Variants in VWA8 observed in about 807,000 individuals in gnomAD.
The protein encoded by VWA8 is von Willebrand factor A domain-containing protein 8.
VWA8 carries 221 observed loss-of-function variants against 241.5 expected under a neutral mutation model. The ratio of observed to expected loss-of-function variants is 0.91; its 90% CI spans 0.82 to 1.02. The LOEUF (loss-of-function observed/expected upper bound fraction) is 1.02, where lower values mean the gene tolerates loss of function less well. VWA8 is among the 50% of genes least tolerant of loss of function. The pLI, the probability that VWA8 is intolerant of heterozygous loss-of-function variation, is 0.00. For synonymous variants in VWA8, 852 were observed against 827.1 expected, an observed-to-expected ratio of 1.03 and a Z score of -0.52; for missense variants, 2,322 against 2,328.7, an observed-to-expected ratio of 1.00 and a Z score of 0.06.
intron 41 of VWA8, 97 bp downstream of exon 41, chr13:41,590,543 C>A: frequency 1.0e-5 from 12 of 1,161,544 alleles, no homozygotes; most frequent in Middle Eastern, 2.2e-4. Flanking sequence ...TTACCATATT[C>A]AGGATTTGTG....
intron 14 of VWA8, among the ~76,000 whole-genome samples, chr13:41,823,202 T>C (rs1467180234): frequency 6.6e-6 from 1 of 152,162 alleles, no homozygotes; most frequent in African/African-American, 2.4e-5. Context: ...GCTTGGATCC[T>C]GTCTTCAAAT....
chr13:41,611,430 C>A (rs185612101), intron 39 of VWA8, 146 bp downstream of exon 39: 56 of 1,075,548 alleles, frequency 5.2e-5, no homozygotes, highest in Non-Finnish European at 5.1e-5. Flanking sequence ...CCGTTAGGGA[C>A]GGGGATGGCT....
At chr13:41,839,683 G>A (rs1165598707) in intron 12 of VWA8, among the ~76,000 whole-genome samples, 1 of 152,090 alleles carries the variant, frequency 6.6e-6, no homozygotes, top group African/African-American at 2.4e-5. Flanking sequence ...TGTCAGGTTT[G>A]TCAAAGATCA....
At chr13:41,874,177 A>T (rs1337370989) in intron 9 of VWA8, among the ~76,000 whole-genome samples, 1 of 151,408 alleles carries the variant, frequency 6.6e-6, no homozygotes, top group African/African-American at 2.4e-5. Context: ...TATTGATGGG[A>T]CGTATCTCAA....
At chr13:41,853,588 T>C (rs1872611945) in intron 12 of VWA8, among the ~76,000 whole-genome samples, 1 of 152,188 alleles carries the variant, frequency 6.6e-6, no homozygotes, top group Admixed American at 6.5e-5. Context: ...TTTTCATTTC[T>C]TCATGATTCA....
Position 41,866,025 on chromosome 13 carries a change from C to T in VWA8, c.1224G>A (p.Gly408=). Residue 408 remains glycine (G), a synonymous_variant, in exon 11 of 45, where the codon GGG becomes GGA. Coordinates refer to ENST00000379310, the MANE Select transcript of VWA8 (RefSeq NM_015058.2). ...CACAAGGTTGACTTAATAGCCTGGT[C>T]CCGGCTGGCACCTATAATTAAAGAG... ...DKEVTIKVPA[G]TRLLSQPCAS... 6.2e-7 allele frequency: 1 copy of T among 1,613,976 alleles called. No homozygotes were observed. The highest frequency in any genetic ancestry group is 8.5e-7 in the Non-Finnish European group (1 of 1,179,908).
chr13:41,642,744 C>G (rs532562885), intron 37 of VWA8, among the ~76,000 whole-genome samples: 28 of 151,350 alleles, frequency 1.9e-4, no homozygotes, highest in African/African-American at 6.8e-4. Flanking sequence ...GCCTGACCAA[C>G]AAGGTGAAAC....
At chr13:41,821,662 G>A (rs145295230) in intron 14 of VWA8, among the ~76,000 whole-genome samples, 352 of 151,988 alleles carry the variant, frequency 2.3e-3, no homozygotes, top group South Asian at 5.6e-3. Context: ...CTACAGATAC[G>A]GCTTAATTTC....
chr13:41,729,701 T>C (rs753455845), intron 22 of VWA8, 24 bp from the exon 23 acceptor site: 3 of 1,598,736 alleles, frequency 1.9e-6, no homozygotes, highest in African/African-American at 2.7e-5. Flanking sequence ...AAATTTATCA[T>C]AAACAATTAA....
At chr13:41,738,613 C>T (rs2045543453) in intron 21 of VWA8, among the ~76,000 whole-genome samples, 1 of 152,090 alleles carries the variant, frequency 6.6e-6, no homozygotes, top group Non-Finnish European at 1.5e-5. Flanking sequence ...AACAAATCTA[C>T]TAAAATAGTA....
intron 26 of VWA8, among the ~76,000 whole-genome samples, chr13:41,713,911 G>C (rs1188217080): frequency 6.6e-6 from 1 of 152,044 alleles, no homozygotes; most frequent in Non-Finnish European, 1.5e-5. Flanking sequence ...AAATTAGCTT[G>C]TGAATGAAGT....
chr13:41,763,009 A>T (rs916033868), intron 20 of VWA8, among the ~76,000 whole-genome samples: 1 of 152,018 alleles, frequency 6.6e-6, no homozygotes, highest in African/African-American at 2.4e-5. Context: ...GACTCACACC[A>T]GTAATCCCAG....
At chr13:41,781,263 C>A (rs1868873504) in intron 19 of VWA8, among the ~76,000 whole-genome samples, 1 of 152,258 alleles carries the variant, frequency 6.6e-6, no homozygotes, top group Admixed American at 6.5e-5. Context: ...CTTCCACTTG[C>A]AACCTCAGCT....
At position 41,699,230 on chromosome 13, in the gene VWA8, G is replaced by A. The variant is rs756125289; in HGVS notation, c.3405C>T (p.Pro1135=). The change falls in exon 29 of 45, where the codon CCC becomes CCT. Residue 1135 remains proline (P), a synonymous_variant. Coordinates refer to ENST00000379310, the MANE Select transcript of VWA8 (RefSeq NM_015058.2). ...QNTLYVVTCN[P]ASLYFMNMTG... ...TCATATTCATAAAGTACAGGGAAGC[G>A]GGATTGCATGTAACTACATAGAGAG... 55 of 1,614,028 alleles carry A rather than the reference G, an allele frequency of 3.4e-5. No homozygotes were observed. The highest frequency in any genetic ancestry group is 2.2e-4 in the Admixed American group (13 of 60,000).
intron 12 of VWA8, among the ~76,000 whole-genome samples, chr13:41,849,374 T>A (rs1389209722): frequency 1.3e-5 from 2 of 152,154 alleles, no homozygotes; most frequent in African/African-American, 4.8e-5. Flanking sequence ...CAAATCAAAG[T>A]TATACCCTTC....
chr13:41,685,231 T>C lies in VWA8; in HGVS notation c.4143A>G (p.Glu1381=). Residue 1381 remains glutamate, a synonymous_variant, in exon 35 of 45, where the codon GAA becomes GAG. Transcript: ENST00000379310. ...ATGATGGTCTCTTCCAAGAATAAAC[T>C]TCACTGGGTGACTGAAAAAAAGAAA... is the stretch of plus-strand genomic sequence containing the variant. ...VGFPDLMSPS[E]VYSWKRPSSL... 1.9e-6 allele frequency: 3 copies of C among 1,610,888 alleles called. No homozygotes were observed.
intron 24 of VWA8, among the ~76,000 whole-genome samples, chr13:41,723,292 G>T (rs141591456): frequency 2.5e-3 from 381 of 152,222 alleles, no homozygotes; most frequent in African/African-American, 8.9e-3. Flanking sequence ...TGGGAAGTGG[G>T]GCTTGAGGAA....
intron 37 of VWA8, among the ~76,000 whole-genome samples, chr13:41,657,091 T>A (rs1035121735): frequency 2.0e-5 from 3 of 152,108 alleles, no homozygotes; most frequent in Non-Finnish European, 4.4e-5. Flanking sequence ...ATTTAAGCAC[T>A]CCTGAGGACT....
intron 2 of VWA8, among the ~76,000 whole-genome samples, chr13:41,915,950 A>G (rs1876234703): frequency 6.6e-6 from 1 of 152,188 alleles, no homozygotes; most frequent in Non-Finnish European, 1.5e-5. Context: ...GATTTTTCAC[A>G]TAGGATCTCA....
Sources: allele counts gnomAD v4.1 joint callset (sites outside exome capture counted in the v4.1 genomes callset), GRCh38; gene constraint gnomAD v4.1.1; transcripts MANE v1.5; gene names NCBI Gene and HGNC (gene_info 2026-07-23, HGNC 2026-07-21).